The following DNM2 variants were observed in gnomAD, a reference collection of about 807,000 sequenced individuals.
DNM2 encodes dynamin-2.
In DNM2, 15 loss-of-function variants were observed where a neutral mutation model predicts 99.0. That is an observed-to-expected ratio of 0.15 (90% confidence interval 0.10 to 0.23). The LOEUF is 0.23. Ranked by LOEUF, DNM2 falls within the 10% of genes least tolerant of loss-of-function variation. The pLI is 1.00. For synonymous variants in DNM2, 525 were observed against 481.2 expected (o/e 1.09, Z -1.19); for missense variants, 742 against 1,189.4 (o/e 0.62, Z 5.53).
At chr19:10,829,012 AC>A in intron 18 of DNM2, 23 bp from the exon 19 acceptor site, 1 of 1,606,298 alleles carries the variant, frequency 6.2e-7, no homozygotes, top group Non-Finnish European at 8.5e-7. Flanking sequence ...CACAAGCCTG[AC>A]CCTCCCCAAC....
At position 10,811,861 on chromosome 19, in the gene DNM2, C is replaced by T. The variant is rs757293514; in HGVS notation, c.1558-403C>T. On this transcript the variant is annotated intron_variant, in intron 14 of 20. Transcript: ENST00000389253. This position sits in a 1 kb window ranked among gnomAD's most constrained non-coding sequence, Gnocchi z 5.4. ...CTTGGGGAGGGCCCCTGGGCTCACA[C>T]CTTTGACCCTAGCCCTCTGTGTGGA... The T allele has an allele frequency of 2.0e-6, 1 of 504,282 alleles. No individual in the cohort carries two copies. The highest frequency in any genetic ancestry group is 3.9e-6 in the Non-Finnish European group (1 of 253,442). 31.2% of individuals were successfully genotyped at this position (504,282 alleles called of 1,614,324 possible).
intron 3 of DNM2, among the ~76,000 whole-genome samples, chr19:10,774,345 A>G (rs1269930486): frequency 6.6e-6 from 1 of 152,234 alleles, no homozygotes; most frequent in Non-Finnish European, 1.5e-5. Flanking sequence ...AAAAACATGT[A>G]AGCAATTGTG....
intron 16 of DNM2, among the ~76,000 whole-genome samples, chr19:10,822,187 CT>C (rs1245880128): frequency 1.5e-3 from 213 of 140,522 alleles, no homozygotes; most frequent in Middle Eastern, 7.3e-3. Context: ...TTTTCTTTTT[CT>C]TTTTTTTTTT....
rs529251660 is a variant in DNM2, at chr19:10,720,312, A to G, written c.161+1909A>G. On this transcript the variant is annotated intron_variant, in intron 1 of 20. Coordinates refer to ENST00000389253, the MANE Select transcript of DNM2 (RefSeq NM_001005361.3). ...ACTGCAACCTCTGCCTCCCAGGTTC[A>G]GGCCATTCTTCTGCCTCAGCCTCCC... Among the ~76,000 whole-genome samples, 354 of 150,674 alleles carry G rather than the reference A, an allele frequency of 2.3e-3. 1 individual carries two copies. The highest frequency in any genetic ancestry group is 8.2e-3 in the African/African-American group (335 of 40,896).
At chr19:10,733,353 G>A (rs531410542) in intron 1 of DNM2, among the ~76,000 whole-genome samples, 12 of 151,154 alleles carry the variant, frequency 7.9e-5, no homozygotes, top group Non-Finnish European at 1.2e-4. Flanking sequence ...CACAATGGCC[G>A]GCATTTTTTT....
At chr19:10,804,604 C>A (rs1163468975) in intron 12 of DNM2, among the ~76,000 whole-genome samples, 2 of 152,108 alleles carry the variant, frequency 1.3e-5, no homozygotes, top group Non-Finnish European at 2.9e-5. Flanking sequence ...GGGAGAATGA[C>A]CTGAGCCCAG....
intron 16 of DNM2, among the ~76,000 whole-genome samples, chr19:10,822,654 ACTCCCAG>A (rs1410180767): frequency 6.6e-6 from 1 of 150,478 alleles, no homozygotes; most frequent in African/African-American, 2.5e-5. Context: ...ATGCAGTACC[ACTCCCAG>A]CTAATTTTTT....
chr19:10,777,295 T>G, intron 5 of DNM2, 79 bp downstream of exon 5: 1 of 1,349,952 alleles, frequency 7.4e-7, no homozygotes, highest in Non-Finnish European at 1.0e-6. Flanking sequence ...ACCTGTTCCC[T>G]GCCTGCCTGG....
At chr19:10,827,758 A>G (rs964995770) in intron 18 of DNM2, among the ~76,000 whole-genome samples, 9 of 151,856 alleles carry the variant, frequency 5.9e-5, no homozygotes, top group South Asian at 2.1e-4. Flanking sequence ...AGTCCCAGCT[A>G]CTCTGGAGGC....
At chr19:10,721,024 C>T (rs1330910513) in intron 1 of DNM2, among the ~76,000 whole-genome samples, 1 of 152,188 alleles carries the variant, frequency 6.6e-6, no homozygotes, top group Non-Finnish European at 1.5e-5. Context: ...GGGTCTCTCT[C>T]CCATCCTTAC....
intron 6 of DNM2, among the ~76,000 whole-genome samples, chr19:10,784,800 A>G (rs1416467244): frequency 1.0e-5 from 1 of 97,430 alleles, no homozygotes; most frequent in Non-Finnish European, 2.2e-5. Context: ...CTTTGTATTT[A>G]TTTTTTATTT....
intron 1 of DNM2, among the ~76,000 whole-genome samples, chr19:10,738,944 G>A (rs1168881072): frequency 3.3e-5 from 5 of 151,318 alleles, no homozygotes; most frequent in Admixed American, 2.0e-4. Context: ...CGAGGTGGGC[G>A]GATCACGAGG....
At chr19:10,748,294 G>A (rs556634964) in intron 1 of DNM2, among the ~76,000 whole-genome samples, 28 of 152,284 alleles carry the variant, frequency 1.8e-4, no homozygotes, top group African/African-American at 5.8e-4. Context: ...AGCCTTGGAC[G>A]TGGAGGGAAT....
intron 2 of DNM2, among the ~76,000 whole-genome samples, chr19:10,770,529 C>A (rs1445076329): frequency 2.0e-5 from 3 of 152,168 alleles, no homozygotes; most frequent in African/African-American, 7.2e-5. Context: ...CCTCCCACTT[C>A]AGCCGATATT....
Position 10,775,602 on chromosome 19 carries a change from G to A in DNM2, c.386-101G>A. On this transcript the variant is annotated intron_variant, in intron 3 of 20. Transcript: ENST00000389253. This position sits in a 1 kb window ranked among gnomAD's most constrained non-coding sequence, Gnocchi z 4.3. The stretch of plus-strand genomic sequence containing the variant: ...TGTCAGGCGACATCCTCAAGTCTGA[G>A]CCCCGCGCAGGAACTTTGGTAGTCA... 7.5e-7 allele frequency: 1 copy of A among 1,324,878 alleles called. No homozygotes were observed. The allele number at this position is 1,324,878 out of a possible 1,614,324, so 82.1% of individuals were successfully genotyped here.
chr19:10,753,164 T>C (rs2145821485), intron 1 of DNM2, among the ~76,000 whole-genome samples: 1 of 152,306 alleles, frequency 6.6e-6, no homozygotes, highest in South Asian at 2.1e-4. Context: ...TCATGAAAAG[T>C]TCTCAATGCC....
chr19:10,813,434 G>A (rs547265798), intron 15 of DNM2, among the ~76,000 whole-genome samples: 17 of 152,344 alleles, frequency 1.1e-4, no homozygotes, highest in African/African-American at 3.6e-4. Context: ...TACAGAGTAT[G>A]TAATGATCAC....
At chr19:10,724,194 TTGAGACGGAGTCTCACTC>T (rs2069035353) in intron 1 of DNM2, among the ~76,000 whole-genome samples, 1 of 152,184 alleles carries the variant, frequency 6.6e-6, no homozygotes, top group Admixed American at 6.5e-5. Flanking sequence ...TTATTATTCT[TTGAGACGGAGTCTCACTC>T]TGTCTTCCAG....
At chr19:10,741,621 C>T (rs1225625995) in intron 1 of DNM2, among the ~76,000 whole-genome samples, 1 of 151,042 alleles carries the variant, frequency 6.6e-6, no homozygotes, top group East Asian at 1.9e-4. Flanking sequence ...GCGATCTTGG[C>T]TCACTGCAAG....
Sources: allele counts gnomAD v4.1 joint callset (sites outside exome capture counted in the v4.1 genomes callset), GRCh38; gene constraint gnomAD v4.1.1; non-coding constraint Gnocchi (gnomAD v3.1); transcripts MANE v1.5; gene names NCBI Gene and HGNC (gene_info 2026-07-23, HGNC 2026-07-21).